NOL4: variants seen among roughly 807,000 people sequenced by gnomAD.
NOL4 encodes cancer/testis antigen 125.
In NOL4, 17 loss-of-function variants were observed where a neutral mutation model predicts 75.9. That is an observed-to-expected ratio of 0.22 (90% CI 0.15 to 0.34). NOL4 has a LOEUF of 0.34. NOL4 is among the 10% of genes least tolerant of loss of function. NOL4 has a pLI of 1.00. For synonymous variants in NOL4, 292 were observed against 289.9 expected (o/e 1.01, Z -0.07); for missense variants, 614 against 793.5 (o/e 0.77, Z 2.72).
At chr18:34,092,591 G>T (rs1344679694) in intron 5 of NOL4, among the ~76,000 whole-genome samples, 2 of 152,042 alleles carry the variant, frequency 1.3e-5, no homozygotes, top group East Asian at 1.9e-4. Context: ...AGAAAGCAAA[G>T]ATTTTTTCAG....
chr18:33,991,978 G>A (rs1456583316), intron 6 of NOL4, among the ~76,000 whole-genome samples: 1 of 152,062 alleles, frequency 6.6e-6, no homozygotes, highest in African/African-American at 2.4e-5. Flanking sequence ...AATTAATAAA[G>A]TTACAGATTC....
intron 6 of NOL4, among the ~76,000 whole-genome samples, chr18:33,993,068 G>A (rs1320239644): frequency 6.6e-6 from 1 of 151,942 alleles, no homozygotes; most frequent in Non-Finnish European, 1.5e-5. Context: ...AAGTTTGCAG[G>A]AGAGAACAAG....
chr18:34,209,042 C>A (rs983620143), intron 1 of NOL4, among the ~76,000 whole-genome samples: 1 of 151,230 alleles, frequency 6.6e-6, no homozygotes, highest in South Asian at 2.1e-4. Context: ...AAACCCCTGT[C>A]TCTATTAAAT....
intron 8 of NOL4, among the ~76,000 whole-genome samples, chr18:33,956,354 C>A (rs2069645834): frequency 1.3e-5 from 2 of 152,144 alleles, no homozygotes; most frequent in South Asian, 4.1e-4. Context: ...TAAAGCATGG[C>A]CTTTTATATC....
intron 9 of NOL4, among the ~76,000 whole-genome samples, chr18:33,898,631 GA>G (rs2065563724): frequency 6.6e-6 from 1 of 152,086 alleles, no homozygotes; most frequent in Non-Finnish European, 1.5e-5. Flanking sequence ...TGTCATCTGA[GA>G]AGCACTTATT....
chr18:34,088,709 G>A (rs889142118), intron 5 of NOL4, among the ~76,000 whole-genome samples: 3 of 151,964 alleles, frequency 2.0e-5, no homozygotes, highest in Admixed American at 6.6e-5. Context: ...ATTCTTTTAA[G>A]TCTGTAAAAA....
intron 10 of NOL4, among the ~76,000 whole-genome samples, chr18:33,870,695 T>G (rs999330327): frequency 6.6e-6 from 1 of 151,478 alleles, no homozygotes; most frequent in African/African-American, 2.4e-5. Flanking sequence ...CTTTCAGGAA[T>G]AAAATGTAAA....
chr18:34,022,110 AAAT>A (rs796769295), intron 5 of NOL4, among the ~76,000 whole-genome samples: 3 of 150,792 alleles, frequency 2.0e-5, no homozygotes, highest in Non-Finnish European at 4.4e-5. Flanking sequence ...ATCTCAAAAA[AAAT>A]AAATAAATAA....
intron 9 of NOL4, among the ~76,000 whole-genome samples, chr18:33,885,641 A>T (rs2064592322): frequency 6.6e-6 from 1 of 152,160 alleles, no homozygotes. Flanking sequence ...CCCCAGTTAA[A>T]ATGACTTATA....
At chr18:34,059,118 T>C (rs1052305900) in intron 5 of NOL4, among the ~76,000 whole-genome samples, 9 of 90,332 alleles carry the variant, frequency 1.0e-4, no homozygotes, top group African/African-American at 2.5e-4. Flanking sequence ...GATAGATAGA[T>C]ATACATATAT....
chr18:34,204,921 A>T (rs143824620), intron 1 of NOL4, among the ~76,000 whole-genome samples: 627 of 152,256 alleles, frequency 4.1e-3, no homozygotes, highest in African/African-American at 0.014. Context: ...TGTGAAGTAG[A>T]TATCATTTAC....
In NOL4 at chr18:34,108,558, AAACAT is replaced by A. The variant is rs1442295153; in HGVS notation, c.415-3403_415-3399del. Among the ~76,000 whole-genome samples the A allele has an allele frequency of 3.9e-5, 6 of 152,312 alleles. No homozygotes were observed. In the East Asian group the frequency reaches 1.2e-3, roughly 29 times the overall value. ...GATCAGGGCTGGCTATATTCACATC[AAACAT>A]AATAGGGTGCTTGTTAAAAATTGTC... is the stretch of plus-strand genomic sequence containing the variant. On this transcript the variant is annotated intron_variant, in intron 2 of 10. Coordinates refer to ENST00000261592, the MANE Select transcript of NOL4 (RefSeq NM_003787.5).
intron 6 of NOL4, among the ~76,000 whole-genome samples, chr18:33,966,543 C>T (rs764814738): frequency 1.3e-5 from 2 of 152,034 alleles, no homozygotes; most frequent in Non-Finnish European, 1.5e-5. Context: ...ATTTTGAAAA[C>T]CTTAAAGTCT....
chr18:34,211,396 A>C (rs2146562475), intron 1 of NOL4, among the ~76,000 whole-genome samples: 1 of 152,258 alleles, frequency 6.6e-6, no homozygotes, highest in Non-Finnish European at 1.5e-5. Context: ...TATTCAAACA[A>C]ACCTTTGATA....
At chr18:34,051,362 TA>T (rs1322910441) in intron 5 of NOL4, among the ~76,000 whole-genome samples, 4 of 152,266 alleles carry the variant, frequency 2.6e-5, no homozygotes, top group Non-Finnish European at 5.9e-5. Flanking sequence ...TATTGGTTTA[TA>T]AAATTCAATA....
intron 1 of NOL4, among the ~76,000 whole-genome samples, chr18:34,176,253 G>A (rs2033535239): frequency 6.6e-6 from 1 of 152,014 alleles, no homozygotes. Flanking sequence ...GTATCAATGA[G>A]CATGAAGTCA....
At chr18:34,048,728 C>T (rs2076496554) in intron 5 of NOL4, 1 of 387,398 alleles carries the variant, frequency 2.6e-6, no homozygotes, top group East Asian at 1.6e-4. Flanking sequence ...GGGCTATGGG[C>T]TCCTTCCTTG....
chr18:34,045,004 G>C (rs376148289), intron 5 of NOL4, among the ~76,000 whole-genome samples: 2 of 152,094 alleles, frequency 1.3e-5, no homozygotes, highest in Non-Finnish European at 2.9e-5. Context: ...TTGAACATTA[G>C]TATTTTTCTC....
At chr18:34,183,309 AT>A (rs2146343795) in intron 1 of NOL4, among the ~76,000 whole-genome samples, 1 of 151,994 alleles carries the variant, frequency 6.6e-6, no homozygotes, top group Non-Finnish European at 1.5e-5. Flanking sequence ...CAATAGCCCT[AT>A]TCATGAGAAA....
Sources: allele counts gnomAD v4.1 joint callset (sites outside exome capture counted in the v4.1 genomes callset), GRCh38; gene constraint gnomAD v4.1.1; transcripts MANE v1.5; gene names NCBI Gene and HGNC (gene_info 2026-07-23, HGNC 2026-07-21).